CRYAB: variants seen among roughly 807,000 people sequenced by gnomAD.
CRYAB encodes crystallin alpha B.
In CRYAB, 9 loss-of-function variants were observed where a neutral mutation model predicts 12.7. That is an observed-to-expected ratio of 0.71 (90% confidence interval 0.43 to 1.24). CRYAB has a LOEUF of 1.24. CRYAB is among the 50% of genes most tolerant of loss of function. The pLI, the probability that CRYAB is intolerant of heterozygous loss-of-function variation, is 0.00. For missense variants in CRYAB, 183 were observed against 226.6 expected (o/e 0.81, Z 1.24); for synonymous variants, 93 against 86.8 (o/e 1.07, Z -0.40).
chr11:111,910,440 C>T lies in CRYAB; in HGVS notation c.211G>A (p.Glu71Lys), dbSNP rs1555165418. Residue 71 changes from glutamate (E) to lysine (K), a missense_variant, in exon 2 of 3, where the codon GAG becomes AAG. Physicochemically the swap from Glu to Lys is moderately conservative, Grantham distance 56 (BLOSUM62 1). Around this residue, in one of 3 missense-constraint regions of CRYAB, gnomAD observed 86 missense variants for 96.1 expected, o/e 0.89. Transcript: ENST00000650687. ...FDTGLSEMRL[E>K]KDRFSVNLDV... ...AGGTTGACAGAGAACCTGTCCTTCT[C>T]CAGGCGCATCTAGAAATAGCAAGGT... 5 of 1,614,150 alleles carry T rather than the reference C, an allele frequency of 3.1e-6. No individual in the cohort carries two copies. The South Asian group carries it at 4.4e-5, about 14-fold the overall frequency.
At chr11:111,918,331 G>A (rs1965628997), upstream of CRYAB, among the ~76,000 whole-genome samples, 1 of 152,304 alleles carries the variant, frequency 6.6e-6, no homozygotes, top group South Asian at 2.1e-4. Flanking sequence ...ATACCAGAAA[G>A]GGGATTAGAT....
chr11:111,909,126 T>A, intron 2 of CRYAB, 159 bp from the exon 3 acceptor site: 1 of 743,524 alleles, frequency 1.3e-6, no homozygotes, highest in East Asian at 2.7e-5. Flanking sequence ...GCAGCTAAGA[T>A]GAAATTGCCT....
At chr11:111,913,503 G>A (rs782682010), upstream of CRYAB, 3 of 1,613,636 alleles carry the variant, frequency 1.9e-6, no homozygotes, top group African/African-American at 2.7e-5. Flanking sequence ...CCGGCCTCGG[G>A]CCGCCCCAGC....
At chr11:111,921,643 T>G (rs1240133234) in intron 1 of CRYAB, among the ~76,000 whole-genome samples, 1 of 152,154 alleles carries the variant, frequency 6.6e-6, no homozygotes, top group African/African-American at 2.4e-5. Flanking sequence ...TGTAACAGCT[T>G]CTTTTATTCT....
chr11:111,917,681 AT>A (rs782338964), upstream of CRYAB, among the ~76,000 whole-genome samples: 2,255 of 142,898 alleles, frequency 0.016, 52 homozygotes, highest in African/African-American at 0.051. Flanking sequence ...CTCTAAAAAG[AT>A]TTTTTTTTTT....
upstream of CRYAB, among the ~76,000 whole-genome samples, chr11:111,915,305 C>T (rs587771690): frequency 6.6e-6 from 1 of 152,298 alleles, no homozygotes; most frequent in East Asian, 1.9e-4. Context: ...AGGAATTCGA[C>T]TTTTGGTTAA....
intron 2 of CRYAB, chr11:111,909,359 C>T (rs78041974): frequency 2.8e-6 from 1 of 357,224 alleles, no homozygotes; most frequent in Admixed American, 3.9e-5. Flanking sequence ...GGTTCCAGAA[C>T]AATAGGACTG....
chr11:111,921,662 C>T (rs1367149681), intron 1 of CRYAB, among the ~76,000 whole-genome samples: 2 of 152,058 alleles, frequency 1.3e-5, no homozygotes, highest in Non-Finnish European at 2.9e-5. Flanking sequence ...CTCTTTCTTC[C>T]CAAGTGTTGG....
chr11:111,911,921 A>G (rs1965475183), upstream of CRYAB: 1 of 589,466 alleles, frequency 1.7e-6, no homozygotes, highest in Non-Finnish European at 3.0e-6. Flanking sequence ...GTACTCACTG[A>G]GCTAAGAAAA....
At chr11:111,909,234 T>C (rs1555165304) in intron 2 of CRYAB, 1 of 532,326 alleles carries the variant, frequency 1.9e-6, no homozygotes, top group Admixed American at 2.2e-5. Flanking sequence ...TTAGGGGTAT[T>C]TCCCAAAGGT....
upstream of CRYAB, chr11:111,912,760 C>G (rs1592511436): frequency 3.3e-6 from 4 of 1,197,380 alleles, no homozygotes; most frequent in African/African-American, 6.3e-5. Context: ...GCTCTCCGGG[C>G]AGCTGGAGGG....
At chr11:111,910,172 A>T in intron 2 of CRYAB, 155 bp downstream of exon 2, 2 of 892,050 alleles carry the variant, frequency 2.2e-6, no homozygotes. Flanking sequence ...TGTCTATCCT[A>T]ACTTAGTCTT....
chr11:111,909,193 T>C, intron 2 of CRYAB: 1 of 625,930 alleles, frequency 1.6e-6, no homozygotes, highest in Non-Finnish European at 3.0e-6. Context: ...CAACACTTCA[T>C]TGTTTTTCAA....
upstream of CRYAB, chr11:111,917,956 A>G (rs1232317601): frequency 6.6e-6 from 1 of 152,094 alleles, no homozygotes; most frequent in Non-Finnish European, 1.5e-5. Context: ...TTTCACCACA[A>G]TCCTGTAAGA....
chr11:111,913,176 C>T (rs1965525249), upstream of CRYAB: 2 of 604,786 alleles, frequency 3.3e-6, no homozygotes, highest in East Asian at 2.8e-5. Context: ...CCTTGTCCCC[C>T]TTCTATCCAC....
At chr11:111,917,313 A>G (rs1395933651), upstream of CRYAB, among the ~76,000 whole-genome samples, 11 of 152,068 alleles carry the variant, frequency 7.2e-5, no homozygotes, top group African/African-American at 2.7e-4. Flanking sequence ...AACTGGGAGG[A>G]GAAGGAGTGG....
At chr11:111,917,183 T>C (rs987451807), upstream of CRYAB, among the ~76,000 whole-genome samples, 13 of 152,200 alleles carry the variant, frequency 8.5e-5, no homozygotes, top group Admixed American at 2.6e-4. Context: ...GCTTAGGTGC[T>C]TTTTAAAACA....
chr11:111,913,806 GAC>G (rs1965550177), upstream of CRYAB: 1 of 1,614,052 alleles, frequency 6.2e-7, no homozygotes, highest in African/African-American at 1.3e-5. Context: ...CCGACATTTG[GAC>G]ACAGAGGTCA....
intron 1 of CRYAB, among the ~76,000 whole-genome samples, chr11:111,923,305 C>G (rs912312872): frequency 1.3e-5 from 2 of 152,188 alleles, no homozygotes; most frequent in Non-Finnish European, 1.5e-5. Context: ...CAAGCTGTAG[C>G]AAAACCAAAA....
Sources: allele counts gnomAD v4.1 joint callset (sites outside exome capture counted in the v4.1 genomes callset), GRCh38; gene constraint gnomAD v4.1.1; regional missense constraint gnomAD v4.1.1; transcripts MANE v1.5; gene names NCBI Gene and HGNC (gene_info 2026-07-23, HGNC 2026-07-21).